LMNTD1: variants seen among roughly 807,000 people sequenced by gnomAD.
LMNTD1 encodes the protein lamin tail domain containing 1.
A neutral mutation model predicts 50.9 loss-of-function variants in LMNTD1; 35 were observed. The ratio of observed to expected loss-of-function variants is 0.69; its 90% confidence interval spans 0.53 to 0.91. LMNTD1 has a LOEUF of 0.91. Ranked by LOEUF, LMNTD1 falls within the 40% of genes least tolerant of loss-of-function variation. The pLI, the probability that LMNTD1 is intolerant of heterozygous loss-of-function variation, is 0.00. For synonymous variants in LMNTD1, 153 were observed against 161.9 expected (o/e 0.94, Z 0.42); for missense variants, 470 against 475.5 (o/e 0.99, Z 0.11).
intron 9 of LMNTD1, among the ~76,000 whole-genome samples, chr12:25,478,615 T>A (rs1938345929): frequency 6.6e-6 from 1 of 152,120 alleles, no homozygotes; most frequent in South Asian, 2.1e-4. Context: ...TGAAACTCTA[T>A]CCCACTAAAA....
intron 1 of LMNTD1, among the ~76,000 whole-genome samples, chr12:25,611,811 A>C (rs1946251381): frequency 6.6e-6 from 1 of 152,352 alleles, no homozygotes; most frequent in East Asian, 1.9e-4. Context: ...CAATGCATTC[A>C]AAAGTTAGAT....
chr12:25,644,492 A>G (rs1947023204), intron 1 of LMNTD1, among the ~76,000 whole-genome samples: 1 of 152,062 alleles, frequency 6.6e-6, no homozygotes, highest in Admixed American at 6.6e-5. Context: ...AAACAAACAT[A>G]CAAACAAACG....
At chr12:25,592,244 A>G (rs1317289560) in intron 1 of LMNTD1, among the ~76,000 whole-genome samples, 6 of 152,186 alleles carry the variant, frequency 3.9e-5, no homozygotes, top group Non-Finnish European at 7.4e-5. Context: ...TCCCAGTTGA[A>G]TGGACAGAGC....
intron 9 of LMNTD1, among the ~76,000 whole-genome samples, chr12:25,498,589 A>T (rs952693589): frequency 6.6e-6 from 1 of 152,196 alleles, no homozygotes; most frequent in African/African-American, 2.4e-5. Flanking sequence ...GTTGGGTTGG[A>T]TATAAAAGAC....
At chr12:25,515,478 C>A (rs893572608) in intron 8 of LMNTD1, among the ~76,000 whole-genome samples, 22 of 151,838 alleles carry the variant, frequency 1.4e-4, no homozygotes, top group African/African-American at 5.3e-4. Context: ...TGCATGTAAA[C>A]AAAGTATAAA....
intron 9 of LMNTD1, among the ~76,000 whole-genome samples, chr12:25,481,360 T>C (rs1378187711): frequency 6.6e-6 from 1 of 152,086 alleles, no homozygotes; most frequent in East Asian, 1.9e-4. Context: ...ATTTTGTCTG[T>C]TTCTTGCCCT....
chr12:25,516,233 G>GA (rs1030867005), intron 8 of LMNTD1, among the ~76,000 whole-genome samples: 1 of 151,840 alleles, frequency 6.6e-6, no homozygotes, highest in East Asian at 1.9e-4. Flanking sequence ...TAACTGAATG[G>GA]AAAAAAAAGT....
chr12:25,638,229 A>G (rs1946878173), intron 1 of LMNTD1, among the ~76,000 whole-genome samples: 1 of 152,122 alleles, frequency 6.6e-6, no homozygotes, highest in Admixed American at 6.5e-5. Flanking sequence ...CTCACAGCTA[A>G]CATACTTAAC....
intron 1 of LMNTD1, chr12:25,648,398 C>T (rs1947118519): frequency 4.1e-6 from 4 of 972,952 alleles, no homozygotes; most frequent in Non-Finnish European, 1.6e-6. Flanking sequence ...ACAGATATGA[C>T]CACTTTCTAA....
chr12:25,545,074 A>G (rs377425396), intron 4 of LMNTD1, among the ~76,000 whole-genome samples: 2 of 151,686 alleles, frequency 1.3e-5, no homozygotes, highest in East Asian at 3.9e-4. Flanking sequence ...TTATACTTTC[A>G]GGTGTTTTCT....
chr12:25,638,490 T>C (rs1368756221), intron 1 of LMNTD1, among the ~76,000 whole-genome samples: 1 of 152,016 alleles, frequency 6.6e-6, no homozygotes, highest in Non-Finnish European at 1.5e-5. Flanking sequence ...AGCAAAATGA[T>C]AGGATAAAAG....
chr12:25,495,320 T>C (rs1200380459), intron 9 of LMNTD1, among the ~76,000 whole-genome samples: 3 of 151,450 alleles, frequency 2.0e-5, no homozygotes, highest in African/African-American at 7.3e-5. Flanking sequence ...TATTTGGGGG[T>C]ATAAAGCAGT....
intron 9 of LMNTD1, among the ~76,000 whole-genome samples, chr12:25,476,817 C>G (rs1034519437): frequency 6.6e-6 from 1 of 152,038 alleles, no homozygotes; most frequent in Non-Finnish European, 1.5e-5. Context: ...CTGAAAGCAG[C>G]CCTGGATAAC....
At chr12:25,538,329 T>A (rs1366160450) in intron 4 of LMNTD1, among the ~76,000 whole-genome samples, 1 of 150,236 alleles carries the variant, frequency 6.7e-6, no homozygotes, top group Admixed American at 6.7e-5. Context: ...GAGAGAAAGG[T>A]CGGGTTACCC....
chr12:25,592,868 T>G (rs1945740488), intron 1 of LMNTD1: 1 of 152,318 alleles, frequency 6.6e-6, no homozygotes, highest in Non-Finnish European at 1.5e-5. Context: ...CTTGGTGCTG[T>G]TGTAGGGGGT....
intron 1 of LMNTD1, among the ~76,000 whole-genome samples, chr12:25,628,137 A>T (rs1946636596): frequency 7.4e-6 from 1 of 134,642 alleles, no homozygotes; most frequent in African/African-American, 2.7e-5. Context: ...AAAAAAAAAA[A>T]AGGCAAAGGA....
intron 4 of LMNTD1, among the ~76,000 whole-genome samples, chr12:25,530,196 T>G (rs980565810): frequency 1.3e-5 from 2 of 152,142 alleles, no homozygotes; most frequent in Non-Finnish European, 2.9e-5. Flanking sequence ...TTTTTATAAT[T>G]TATTTATGGT....
At chr12:25,604,197 C>G (rs1305974886) in intron 1 of LMNTD1, among the ~76,000 whole-genome samples, 2 of 151,994 alleles carry the variant, frequency 1.3e-5, no homozygotes, top group African/African-American at 4.8e-5. Flanking sequence ...ACTTAAAATC[C>G]TTTTTCTTAC....
chr12:25,589,188 T>C (rs1425721213), intron 1 of LMNTD1, among the ~76,000 whole-genome samples: 1 of 152,130 alleles, frequency 6.6e-6, no homozygotes, highest in Non-Finnish European at 1.5e-5. Flanking sequence ...TGTTCATCAG[T>C]TGGAAAAAGA....
Sources: allele counts gnomAD v4.1 joint callset (sites outside exome capture counted in the v4.1 genomes callset), GRCh38; gene constraint gnomAD v4.1.1; transcripts MANE v1.5; gene names NCBI Gene and HGNC (gene_info 2026-07-23, HGNC 2026-07-21).